Variants in SLC22A3 observed in about 807,000 individuals in gnomAD.
The protein encoded by SLC22A3 is solute carrier family 22 member 3.
In SLC22A3, 51 loss-of-function variants were observed where a neutral mutation model predicts 59.1. The ratio of observed to expected loss-of-function variants is 0.86; its 90% confidence interval spans 0.69 to 1.09. SLC22A3 has a LOEUF of 1.09. Ranked by LOEUF, SLC22A3 falls within the 50% of genes least tolerant of loss-of-function variation. The probability of loss-of-function intolerance (pLI) is 0.00; values close to 1 mark genes in which losing one functional copy is unlikely to be tolerated. For synonymous variants in SLC22A3, 325 were observed against 292.0 expected (o/e 1.11, Z -1.15); for missense variants, 711 against 726.3 (o/e 0.98, Z 0.24).
chr6:160,354,279 C>T (rs1784756829), intron 1 of SLC22A3, among the ~76,000 whole-genome samples: 1 of 152,248 alleles, frequency 6.6e-6, no homozygotes, highest in African/African-American at 2.4e-5. Context: ...AACTGAGCAT[C>T]TGCCTGAGCC....
At chr6:160,368,307 T>C (rs1785277681) in intron 1 of SLC22A3, among the ~76,000 whole-genome samples, 1 of 152,080 alleles carries the variant, frequency 6.6e-6, no homozygotes, top group Non-Finnish European at 1.5e-5. Context: ...AGCAGAAGAG[T>C]TATAATACTG....
Position 160,409,964 on chromosome 6 carries a change from G to C in SLC22A3, c.858-765G>C, listed in dbSNP as rs1366236408. Among the ~76,000 whole-genome samples the C allele has an allele frequency of 2.6e-5, 4 of 152,300 alleles. No homozygotes were observed. In the East Asian group the frequency reaches 7.7e-4, roughly 29 times the overall value. Reference sequence around the variant, plus strand: ...GAAATTCTCTGAGGAATAAGGAAATGTTAAGAGCATCAAAAAATTACATTA... The same window carrying C: ...GAAATTCTCTGAGGAATAAGGAAATCTTAAGAGCATCAAAAAATTACATTA... On this transcript the variant is annotated intron_variant, in intron 4 of 10. Coordinates refer to ENST00000275300, the MANE Select transcript of SLC22A3 (RefSeq NM_021977.4).
intron 1 of SLC22A3, among the ~76,000 whole-genome samples, chr6:160,380,012 T>C (rs1041803496): frequency 1.3e-5 from 2 of 152,164 alleles, no homozygotes; most frequent in African/African-American, 4.8e-5. Flanking sequence ...TCTAGACAGA[T>C]CCTGTGTCAT....
chr6:160,361,160 AT>A (rs903723867), intron 1 of SLC22A3, among the ~76,000 whole-genome samples: 7 of 152,202 alleles, frequency 4.6e-5, no homozygotes, highest in Non-Finnish European at 1.0e-4. Flanking sequence ...GAGAGGATGG[AT>A]TGTTGGCTAA....
chr6:160,349,686 A>G (rs1474689466), intron 1 of SLC22A3, among the ~76,000 whole-genome samples: 3 of 152,162 alleles, frequency 2.0e-5, no homozygotes, highest in Non-Finnish European at 4.4e-5. Flanking sequence ...CCTTGCTGAA[A>G]TGGAAGATTG....
chr6:160,442,817 G>A lies in SLC22A3; in HGVS notation c.1345G>A (p.Ala449Thr). ...ATTGGGAAGACTAGGGATAACCATG[G>A]CCTTTGAAATTGTTTATTTGGTAAA... The part of the protein sequence containing the change: ...ATLGRLGITM[A>T]FEIVYLVNSE... The change falls in exon 8 of 11, where the codon GCC (alanine) becomes ACC (threonine). Residue 449 changes from alanine to threonine, a missense_variant. Coordinates refer to ENST00000275300, the MANE Select transcript of SLC22A3 (RefSeq NM_021977.4). 6.2e-7 allele frequency: 1 copy of A among 1,614,086 alleles called. No homozygotes were observed. The highest frequency in any genetic ancestry group is 1.1e-5 in the South Asian group (1 of 91,086).
intron 1 of SLC22A3, among the ~76,000 whole-genome samples, chr6:160,367,672 C>T (rs769310973): frequency 7.9e-5 from 12 of 152,206 alleles, no homozygotes; most frequent in Non-Finnish European, 1.6e-4. Flanking sequence ...CTGCCTTGGG[C>T]CATGCCTGAA....
At chr6:160,420,822 T>A (rs1302034502) in intron 5 of SLC22A3, among the ~76,000 whole-genome samples, 1 of 152,208 alleles carries the variant, frequency 6.6e-6, no homozygotes, top group Non-Finnish European at 1.5e-5. Flanking sequence ...TGGGCCCTGA[T>A]GCCTAGAAGA....
intron 1 of SLC22A3, among the ~76,000 whole-genome samples, chr6:160,355,024 GTTCC>G (rs1784782699): frequency 6.6e-6 from 1 of 152,204 alleles, no homozygotes; most frequent in Admixed American, 6.5e-5. Flanking sequence ...AAGGATATGC[GTTCC>G]TGGAGGCATG....
At chr6:160,397,246 C>T (rs143208468) in intron 1 of SLC22A3, among the ~76,000 whole-genome samples, 4 of 152,090 alleles carry the variant, frequency 2.6e-5, no homozygotes, top group East Asian at 1.9e-4. Context: ...TTTCATGCGC[C>T]GCCCACAATA....
chr6:160,348,606 T>G lies in SLC22A3; in HGVS notation c.187T>G (p.Cys63Gly). ...GPSAAALAER[C>G]GWSPEEEWNR... ...AAGTGCCGCGGCGCTGGCCGAGCGC[T>G]GCGGCTGGAGCCCGGAGGAGGAGTG... Residue 63 changes from cysteine to glycine, a missense_variant, in exon 1 of 11, where the codon TGC becomes GGC. By Grantham distance (159) the Cys-to-Gly change is radical. Transcript: ENST00000275300. 6.6e-7 allele frequency: 1 copy of G among 1,508,818 alleles called. No homozygotes were observed. The highest frequency in any genetic ancestry group is 8.8e-7 in the Non-Finnish European group (1 of 1,136,888). 93.5% of individuals were successfully genotyped at this position (1,508,818 alleles called of 1,614,324 possible).
At chr6:160,380,169 A>C (rs1355795885) in intron 1 of SLC22A3, among the ~76,000 whole-genome samples, 3 of 152,164 alleles carry the variant, frequency 2.0e-5, no homozygotes, top group African/African-American at 7.2e-5. Flanking sequence ...ATGTTACATA[A>C]TATTTTAAAA....
intron 1 of SLC22A3, among the ~76,000 whole-genome samples, chr6:160,349,680 G>A (rs1483297001): frequency 6.6e-6 from 1 of 152,134 alleles, no homozygotes; most frequent in Non-Finnish European, 1.5e-5. Flanking sequence ...CTGCATCCTT[G>A]CTGAAATGGA....
intron 1 of SLC22A3, among the ~76,000 whole-genome samples, chr6:160,387,645 G>A (rs372614822): frequency 2.6e-5 from 4 of 151,988 alleles, no homozygotes; most frequent in Admixed American, 6.6e-5. Context: ...GTTTATAGGC[G>A]TCACCTTAGG....
chr6:160,358,166 C>A (rs1172063341), intron 1 of SLC22A3, among the ~76,000 whole-genome samples: 1 of 152,132 alleles, frequency 6.6e-6, no homozygotes, highest in Non-Finnish European at 1.5e-5. Flanking sequence ...ATTGCTAAGG[C>A]AAATAGGTGG....
intron 10 of SLC22A3, among the ~76,000 whole-genome samples, chr6:160,448,748 G>A (rs1331886170): frequency 1.3e-5 from 2 of 152,098 alleles, no homozygotes; most frequent in African/African-American, 2.4e-5. Flanking sequence ...AGTACAAGAT[G>A]TAAAATATTA....
chr6:160,349,134 C>T (rs889691780), intron 1 of SLC22A3: 1 of 911,834 alleles, frequency 1.1e-6, no homozygotes, highest in African/African-American at 1.8e-5. Flanking sequence ...AAACGCCTGG[C>T]GCACGCCTGC....
At chr6:160,438,043 G>A (rs1391287050) in intron 7 of SLC22A3, among the ~76,000 whole-genome samples, 2 of 152,212 alleles carry the variant, frequency 1.3e-5, no homozygotes, top group African/African-American at 2.4e-5. Flanking sequence ...GCAGTTTAGA[G>A]ATGGCTATGA....
At chr6:160,429,062 C>T (rs1788061477) in intron 5 of SLC22A3, among the ~76,000 whole-genome samples, 1 of 152,178 alleles carries the variant, frequency 6.6e-6, no homozygotes, top group Admixed American at 6.5e-5. Flanking sequence ...GCTGTCACTG[C>T]CGAGCTTCCT....
Sources: allele counts gnomAD v4.1 joint callset (sites outside exome capture counted in the v4.1 genomes callset), GRCh38; gene constraint gnomAD v4.1.1; transcripts MANE v1.5; gene names NCBI Gene and HGNC (gene_info 2026-07-23, HGNC 2026-07-21).